The following IL17REL variants were observed in gnomAD, a reference collection of about 807,000 sequenced individuals.
IL17REL encodes the protein interleukin-17 receptor E-like protein.
Under a neutral mutation model 49.0 loss-of-function variants are expected in IL17REL, and 36 were observed. The ratio of observed to expected loss-of-function variants is 0.73; its 90% confidence interval spans 0.56 to 0.97. The LOEUF (loss-of-function observed/expected upper bound fraction) is 0.97. Among genes scored for constraint, IL17REL ranks in the 50% least tolerant of loss-of-function variants. The probability of loss-of-function intolerance (pLI) is 0.00; values close to 1 mark genes in which losing one functional copy is unlikely to be tolerated. For synonymous variants in IL17REL, 206 were observed against 192.4 expected, an observed-to-expected ratio of 1.07 and a Z score of -0.58; for missense variants, 470 against 453.9, an observed-to-expected ratio of 1.04 and a Z score of -0.32.
upstream of IL17REL, among the ~76,000 whole-genome samples, chr22:50,009,829 TTACC>T (rs1219062711): frequency 1.4e-5 from 2 of 143,360 alleles, no homozygotes; most frequent in Non-Finnish European, 1.5e-5. Flanking sequence ...TACAGAGAGT[TTACC>T]CAGGATCCCC....
At chr22:50,012,534 C>T (rs1430127156), upstream of IL17REL, 1 of 152,412 alleles carries the variant, frequency 6.6e-6, no homozygotes, top group Non-Finnish European at 1.5e-5. Context: ...TAGGAGGAGG[C>T]AGGAGCTTAC....
chr22:49,999,153 C>A, intron 7 of IL17REL, 138 bp downstream of exon 9: 1 of 1,048,142 alleles, frequency 9.5e-7, no homozygotes, highest in Admixed American at 1.7e-5. Context: ...CCCTTGGTGA[C>A]AAGCCCTTCC....
Position 50,002,238 on chromosome 22 carries a change from G to A in IL17REL, c.-41-1007C>T, listed in dbSNP as rs1379457439. ...CTTTTAGCTTTATGAAAACCCTGCGGAGCACTGCATTTGGGGCCTTGGCTG... is the reference window on the plus strand; with the variant it reads ...CTTTTAGCTTTATGAAAACCCTGCGAAGCACTGCATTTGGGGCCTTGGCTG... On this transcript the variant is annotated intron_variant, in intron 1 of 12. Transcript: ENST00000341280. Among the ~76,000 whole-genome samples, 4 of 152,206 alleles carry A rather than the reference G, an allele frequency of 2.6e-5. No individual in the cohort carries two copies. The East Asian group carries it at 7.7e-4, about 29-fold the overall frequency.
chr22:50,000,337 A>G, intron 4 of IL17REL, 97 bp from the exon 6 acceptor site: 1 of 695,098 alleles, frequency 1.4e-6, no homozygotes, highest in Non-Finnish European at 2.5e-6. Flanking sequence ...TGCCTCTGTC[A>G]TGCGACCTCG....
intron 7 of IL17REL, 117 bp from the exon 10 acceptor site, chr22:49,998,426 G>A: frequency 1.4e-6 from 1 of 727,804 alleles, no homozygotes; most frequent in Non-Finnish European, 2.2e-6. Flanking sequence ...AGTCCTATGG[G>A]TCTCTGAGCC....
At chr22:50,003,619 C>G (rs904177596) in intron 1 of IL17REL, among the ~76,000 whole-genome samples, 3 of 150,830 alleles carry the variant, frequency 2.0e-5, no homozygotes, top group African/African-American at 7.3e-5. Flanking sequence ...TTTTAAAAAC[C>G]ACTTATCATC....
At chr22:50,000,329 C>T (rs2061070386) in intron 4 of IL17REL, 89 bp from the exon 6 acceptor site, 1 of 673,842 alleles carries the variant, frequency 1.5e-6, no homozygotes, top group Non-Finnish European at 2.6e-6. Context: ...ACGCGCTGTG[C>T]CTCTGTCATG....
At chr22:49,997,536 C>A in intron 10 of IL17REL, 53 bp from the exon 13 acceptor site, 1 of 1,332,258 alleles carries the variant, frequency 7.5e-7, no homozygotes, top group Non-Finnish European at 1.1e-6. Flanking sequence ...CCACCGCCTC[C>A]CTTCCTTCCC....
exon 10 of IL17REL, chr22:49,997,726 C>T: frequency 6.2e-7 from 1 of 1,613,942 alleles, no homozygotes; most frequent in Middle Eastern, 1.6e-4. Flanking sequence ...CACCCAGGAC[C>T]CCCAACTGGT....
chr22:49,999,808 C>T lies in IL17REL; in HGVS notation c.474+20G>A, dbSNP rs1601887358. 1.3e-6 allele frequency: 2 copies of T among 1,485,672 alleles called. No individual in the cohort carries two copies. Among genetic ancestry groups the T allele is most frequent in the Admixed American group, 2.3e-5 (1 of 43,762 alleles). The allele number at this position is 1,485,672 out of a possible 1,614,324, so 92.0% of individuals were successfully genotyped here. Reference sequence around the variant, plus strand: ...GGGCGGGGCCTAAGGCTGACCGGGGCCCGGGGCGCGGGCGCTCACTCGCAC... The same window carrying T: ...GGGCGGGGCCTAAGGCTGACCGGGGTCCGGGGCGCGGGCGCTCACTCGCAC... On this transcript the variant is annotated intron_variant, in intron 5 of 12. Transcript: ENST00000341280.
intron 4 of IL17REL, 59 bp downstream of exon 5, chr22:50,000,419 C>G: frequency 1.5e-6 from 2 of 1,350,428 alleles, no homozygotes; most frequent in Non-Finnish European, 2.1e-6. Flanking sequence ...AAGTCCCACC[C>G]CAAGCCAGGC....
In IL17REL at chr22:49,999,511, C is replaced by A. The variant is rs1428172103; in HGVS notation, c.475-9G>T. On this transcript the variant is annotated splice_polypyrimidine_tract_variant and intron_variant, in intron 5 of 12. Transcript: ENST00000341280. ...ACGCTGTTGGCGGTCACCTGCAACC[C>A]AGAAAGGGCGGCTGAGGGGCCGCGC... The A allele has an allele frequency of 1.9e-6, 3 of 1,596,742 alleles. No homozygotes were observed. Among genetic ancestry groups the A allele is most frequent in the Admixed American group, 1.7e-5 (1 of 58,640 alleles).
chr22:50,004,065 G>C (rs963472909), intron 1 of IL17REL, among the ~76,000 whole-genome samples: 2 of 151,944 alleles, frequency 1.3e-5, no homozygotes, highest in Non-Finnish European at 2.9e-5. Flanking sequence ...TTTTTTGTTT[G>C]TTTTAGTTTT....
chr22:50,001,143 C>T (rs761645736), exon 2 of IL17REL: 5 of 1,607,226 alleles, frequency 3.1e-6, no homozygotes, highest in Non-Finnish European at 3.4e-6. Flanking sequence ...AGGGGACACA[C>T]TGCATGGCAG....
At chr22:50,010,697 TG>T (rs2061134736), upstream of IL17REL, among the ~76,000 whole-genome samples, 2 of 151,876 alleles carry the variant, frequency 1.3e-5, no homozygotes, top group African/African-American at 2.4e-5. Context: ...CCCGAGTGTC[TG>T]GGGCTGCAGG....
Position 50,001,458 on chromosome 22 carries a change from AG to A in IL17REL, c.-41-228del, listed in dbSNP as rs2061080012. 2.0e-5 allele frequency among the ~76,000 whole-genome samples: 3 copies of A among 152,144 alleles called. 1 individual carries two copies. Among genetic ancestry groups the A allele is most frequent in the Admixed American group, 6.5e-5 (1 of 15,284 alleles). On this transcript the variant is annotated intron_variant, in intron 1 of 12. Coordinates refer to ENST00000341280, the Ensembl canonical transcript of IL17REL. The stretch of plus-strand genomic sequence containing the variant: ...GGGACCCCAGGAGTGGGCCTGGGTC[AG>A]GGGGGCAGGCTGCACACCAGTCTGC...
exon 13 of IL17REL, chr22:49,996,803 T>G (rs2061037436): frequency 3.9e-6 from 2 of 516,434 alleles, no homozygotes; most frequent in Non-Finnish European, 6.8e-6. Context: ...GGGCACCCAC[T>G]GGAGCGGAGG....
chr22:49,992,936 A>G (rs2061013221), downstream of IL17REL, among the ~76,000 whole-genome samples: 1 of 152,012 alleles, frequency 6.6e-6, no homozygotes, highest in African/African-American at 2.4e-5. Flanking sequence ...TTCAGATTGC[A>G]GCTCCCCACA....
intron 9 of IL17REL, 106 bp from the exon 12 acceptor site, chr22:49,997,848 G>T: frequency 7.2e-7 from 1 of 1,398,416 alleles, no homozygotes; most frequent in Non-Finnish European, 1.0e-6. Flanking sequence ...GGTGCTCTGG[G>T]CCCAGTTCTC....
Sources: gnomAD v4.1 joint callset for allele counts (sites outside exome capture counted in the v4.1 genomes callset) on GRCh38, gnomAD v4.1.1 for gene constraint, MANE v1.5 for transcripts, NCBI Gene and HGNC (gene_info 2026-07-23, HGNC 2026-07-21) for gene names.